Variants in KCTD20 observed in about 807,000 individuals in gnomAD.
The protein encoded by KCTD20 is BTB/POZ domain-containing protein KCTD20.
KCTD20 carries 30 observed loss-of-function variants against 39.6 expected under a neutral mutation model. That is an observed-to-expected ratio of 0.76 (90% CI 0.57 to 1.03). The LOEUF is 1.03. Among genes scored for constraint, KCTD20 ranks in the 50% least tolerant of loss-of-function variants. The pLI, the probability that KCTD20 is intolerant of heterozygous loss-of-function variation, is 0.00. For synonymous variants in KCTD20, 162 were observed against 180.6 expected, an observed-to-expected ratio of 0.90 and a Z score of 0.83; for missense variants, 422 against 522.0, an observed-to-expected ratio of 0.81 and a Z score of 1.87.
chr6:36,461,410 T>A (rs1397591429), intron 1 of KCTD20, among the ~76,000 whole-genome samples: 1 of 152,174 alleles, frequency 6.6e-6, no homozygotes, highest in South Asian at 2.1e-4. Context: ...TTGATGGGAA[T>A]GCCAAATTTA....
intron 6 of KCTD20, among the ~76,000 whole-genome samples, chr6:36,482,468 A>C (rs1268003216): frequency 6.6e-6 from 1 of 152,190 alleles, no homozygotes; most frequent in Non-Finnish European, 1.5e-5. Context: ...CAGGAGAATC[A>C]GGTGAACCTG....
chr6:36,443,895 T>TA (rs747104397), intron 1 of KCTD20, among the ~76,000 whole-genome samples: 1 of 152,248 alleles, frequency 6.6e-6, no homozygotes, highest in Non-Finnish European at 1.5e-5. Context: ...AACCAGCTTA[T>TA]GAAAATATGT....
At chr6:36,447,020 G>T (rs750437791) in intron 1 of KCTD20, among the ~76,000 whole-genome samples, 96 of 152,134 alleles carry the variant, frequency 6.3e-4, no homozygotes, top group Non-Finnish European at 1.3e-3. Flanking sequence ...CTAATAAGTG[G>T]CTGAGCCTGT....
intron 3 of KCTD20, among the ~76,000 whole-genome samples, chr6:36,478,248 C>T (rs1318499933): frequency 6.6e-6 from 1 of 152,166 alleles, no homozygotes; most frequent in Non-Finnish European, 1.5e-5. Flanking sequence ...TTGAAGATAG[C>T]AGCTGCCTGC....
At chr6:36,450,741 T>C (rs1459173119) in intron 1 of KCTD20, among the ~76,000 whole-genome samples, 1 of 152,178 alleles carries the variant, frequency 6.6e-6, no homozygotes, top group African/African-American at 2.4e-5. Flanking sequence ...TTCCATACAT[T>C]AACTTAAATT....
chr6:36,474,741 A>G, intron 2 of KCTD20, 48 bp from the exon 3 acceptor site: 1 of 1,477,256 alleles, frequency 6.8e-7, no homozygotes. Flanking sequence ...TTTTTCTCTC[A>G]AGGCTTTTGC....
intron 1 of KCTD20, among the ~76,000 whole-genome samples, chr6:36,458,412 A>C (rs149255711): frequency 0.019 from 2,905 of 151,228 alleles, 96 homozygotes; most frequent in African/African-American, 0.067. Flanking sequence ...GTGGTGGTGC[A>C]TGTCTGTAAT....
rs755881612 is a variant in KCTD20, at chr6:36,487,135, C to T, written c.1220C>T (p.Ala407Val). 6.2e-7 allele frequency: 1 copy of T among 1,613,978 alleles called. No homozygotes were observed. The highest frequency in any genetic ancestry group is 1.1e-5 in the South Asian group (1 of 91,076). ...GTGGATGAACTTGACCGGCTAAATG[C>T]CCCACTTTCTCAGATGGCTTCTAAC... is the stretch of plus-strand genomic sequence containing the variant. ...PQVDELDRLNAPLSQMASNDF... is the reference protein window; with the variant it reads ...PQVDELDRLNVPLSQMASNDF... Residue 407 changes from alanine to valine, a missense_variant, in exon 8 of 8, where the codon GCC becomes GTC. Coordinates refer to ENST00000373731, the MANE Select transcript of KCTD20 (RefSeq NM_173562.5).
At position 36,479,163 on chromosome 6, in the gene KCTD20, T is replaced by A. The variant is rs2127452150; in HGVS notation, c.477T>A (p.Asn159Lys). 1 of 1,613,892 alleles carries A rather than the reference T, an allele frequency of 6.2e-7. No individual in the cohort carries two copies. ...GAGAGTACAACTTCACTCGGCCCAA[T>A]GAGAAGGGAGAGTATGAGATTGCTG... Reference protein sequence around the residue: ...PGREYNFTRPNEKGEYEIAEG... With the variant: ...PGREYNFTRPKEKGEYEIAEG... Residue 159 changes from asparagine to lysine, a missense_variant, in exon 4 of 8, where the codon AAT becomes AAA. Transcript: ENST00000373731.
At chr6:36,478,686 A>C (rs762728732) in intron 3 of KCTD20, among the ~76,000 whole-genome samples, 1 of 152,192 alleles carries the variant, frequency 6.6e-6, no homozygotes, top group South Asian at 2.1e-4. Flanking sequence ...CAGTATTGAC[A>C]GATGAGGGGA....
At chr6:36,463,532 A>G (rs116306349) in intron 1 of KCTD20, among the ~76,000 whole-genome samples, 296 of 152,348 alleles carry the variant, frequency 1.9e-3, no homozygotes, top group Non-Finnish European at 2.2e-3. Flanking sequence ...GTTTGAATGT[A>G]TATGTCCCTC....
In KCTD20 at chr6:36,479,200, G is replaced by T; in HGVS notation, c.514G>T (p.Ala172Ser). 6.2e-7 allele frequency: 1 copy of T among 1,613,608 alleles called. No homozygotes were observed. The highest frequency in any genetic ancestry group is 1.1e-5 in the South Asian group (1 of 91,078). ...GTATGAGATTGCTGAAGGCATCAGT[G>T]CAACTGTATTTCGCACAGTGCTGGT... Reference protein sequence around the residue: ...GEYEIAEGISATVFRTVLDYY... With the variant: ...GEYEIAEGISSTVFRTVLDYY... Residue 172 changes from alanine (A) to serine (S), a missense_variant, in exon 4 of 8, where the codon GCA (alanine) becomes TCA (serine). Transcript: ENST00000373731.
chr6:36,446,989 AG>A (rs1179450266), intron 1 of KCTD20, among the ~76,000 whole-genome samples: 1 of 152,236 alleles, frequency 6.6e-6, no homozygotes, highest in Non-Finnish European at 1.5e-5. Flanking sequence ...CAAGAGATTA[AG>A]TTTGCCTCAA....
intron 1 of KCTD20, among the ~76,000 whole-genome samples, chr6:36,454,422 A>G (rs1326236163): frequency 6.6e-6 from 1 of 150,832 alleles, no homozygotes; most frequent in African/African-American, 2.4e-5. Context: ...GCTCACTGCA[A>G]CCTCCACCTC....
intron 1 of KCTD20, among the ~76,000 whole-genome samples, chr6:36,450,753 C>G (rs1775228717): frequency 6.6e-6 from 1 of 152,134 alleles, no homozygotes. Context: ...ACTTAAATTC[C>G]TAATTCATCT....
chr6:36,447,216 C>A (rs1437761438), intron 1 of KCTD20, among the ~76,000 whole-genome samples: 1 of 152,134 alleles, frequency 6.6e-6, no homozygotes, highest in Non-Finnish European at 1.5e-5. Context: ...CTGAAATAGA[C>A]AATAATAGTA....
chr6:36,452,538 T>C (rs1381769297), intron 1 of KCTD20: 1 of 139,400 alleles, frequency 7.2e-6, no homozygotes, highest in Non-Finnish European at 1.5e-5. Context: ...GCATCTTCAT[T>C]TTCTTTTTTT....
At chr6:36,461,146 ATTCTCAT>A (rs1775590542) in intron 1 of KCTD20, among the ~76,000 whole-genome samples, 1 of 152,214 alleles carries the variant, frequency 6.6e-6, no homozygotes, top group Non-Finnish European at 1.5e-5. Context: ...TTAATTTGTG[ATTCTCAT>A]TTAAGATATG....
At chr6:36,448,801 A>ATGG (rs1775138739) in intron 1 of KCTD20, among the ~76,000 whole-genome samples, 2 of 152,234 alleles carry the variant, frequency 1.3e-5, no homozygotes, top group African/African-American at 4.8e-5. Flanking sequence ...ATTCTTAAAG[A>ATGG]TGGTGTGTCC....
Sources: allele counts gnomAD v4.1 joint callset (sites outside exome capture counted in the v4.1 genomes callset), GRCh38; gene constraint gnomAD v4.1.1; transcripts MANE v1.5; gene names NCBI Gene and HGNC (gene_info 2026-07-23, HGNC 2026-07-21).